SLC5A10: variants seen among roughly 807,000 people sequenced by gnomAD.
SLC5A10 encodes solute carrier family 5 member 10.
A neutral mutation model predicts 68.9 loss-of-function variants in SLC5A10; 55 were observed. The observed-to-expected ratio is 0.80, with a 90% CI of 0.64 to 1.00. SLC5A10 has a LOEUF of 1.00. SLC5A10 is among the 50% of genes least tolerant of loss of function. The probability of loss-of-function intolerance (pLI) is 0.00; values close to 1 mark genes in which losing one functional copy is unlikely to be tolerated. For synonymous variants in SLC5A10, 344 were observed against 344.8 expected, an observed-to-expected ratio of 1.00 and a Z score of 0.02; for missense variants, 732 against 819.3, an observed-to-expected ratio of 0.89 and a Z score of 1.30.
chr17:18,970,892 G>A (rs2042824389), intron 7 of SLC5A10, 121 bp from the exon 8 acceptor site: 2 of 845,908 alleles, frequency 2.4e-6, no homozygotes, highest in South Asian at 3.1e-5. Context: ...GAAAGATGAG[G>A]TGGAAAAAAC....
intron 9 of SLC5A10, chr17:18,988,157 G>A (rs762149743): frequency 1.9e-4 from 293 of 1,532,738 alleles, no homozygotes; most frequent in Non-Finnish European, 2.4e-4. Context: ...ACAGGACTCC[G>A]TCCAGAGCAG....
At chr17:18,951,968 C>G, upstream of SLC5A10, 1 of 503,720 alleles carries the variant, frequency 2.0e-6, no homozygotes, top group Non-Finnish European at 3.4e-6. Context: ...TTTCCTCCTC[C>G]CACTTGCTTC....
chr17:19,004,272 G>T lies in SLC5A10; in HGVS notation c.983-9138G>T, dbSNP rs931248010. On this transcript the variant is annotated intron_variant, in intron 9 of 14. Transcript: ENST00000395645. This position sits in a 1 kb window ranked among gnomAD's most constrained non-coding sequence, Gnocchi z 5.4. ...GAACTCAGGTGGGCGTGGGAAGGAC[G>T]GGGCTGGGGCTGGGGCTGGGAAGAT... 7.8e-6 allele frequency: 4 copies of T among 515,194 alleles called. No homozygotes were observed. Among genetic ancestry groups the T allele is most frequent in the African/African-American group, 2.1e-5 (1 of 48,288 alleles). The allele number at this position is 515,194 out of a possible 1,614,324, so 31.9% of individuals were successfully genotyped here. A position where few individuals can be genotyped will look rare whatever the true frequency, so the allele number is the denominator to read the frequency against.
intron 5 of SLC5A10, among the ~76,000 whole-genome samples, chr17:18,961,744 C>T (rs1364333046): frequency 3.3e-5 from 5 of 152,134 alleles, no homozygotes; most frequent in Admixed American, 2.0e-4. Flanking sequence ...ATCCAGAGCC[C>T]CCACGGGGCC....
intron 9 of SLC5A10, among the ~76,000 whole-genome samples, chr17:19,007,106 G>C (rs1457881919): frequency 1.3e-5 from 2 of 152,010 alleles, no homozygotes; most frequent in African/African-American, 4.8e-5. Context: ...ACTTTTTCCA[G>C]AGTGGCTGTA....
chr17:18,955,677 A>G (rs2042483741), intron 1 of SLC5A10, among the ~76,000 whole-genome samples: 1 of 152,254 alleles, frequency 6.6e-6, no homozygotes, highest in African/African-American at 2.4e-5. Flanking sequence ...CAAGACTGTG[A>G]GCCTTCAGAC....
chr17:18,997,650 G>A (rs898354879), intron 9 of SLC5A10, among the ~76,000 whole-genome samples: 3 of 152,200 alleles, frequency 2.0e-5, no homozygotes, highest in Admixed American at 2.0e-4. Context: ...AGCACACCAG[G>A]GCAGGGCTGA....
intron 9 of SLC5A10, among the ~76,000 whole-genome samples, chr17:18,992,536 G>C (rs1307151273): frequency 6.6e-6 from 1 of 152,208 alleles, no homozygotes; most frequent in Non-Finnish European, 1.5e-5. Flanking sequence ...GGTGGGACAG[G>C]GCTTTAGGTC....
In SLC5A10 at chr17:19,019,904, G is replaced by A. The variant is rs938679937; in HGVS notation, c.1602G>A (p.Leu534=). ...CTGTTGTGGTGGCTGGAAGCCTGCT[G>A]ACCCCACCCCCACAGAGTGTCCAGG... ...SGAVVVAGSL[L]TPPPQSVQIE... is the part of the protein sequence containing the mutation. Residue 534 remains leucine (L), a synonymous_variant, in exon 13 of 15, where the codon CTG becomes CTA. Transcript: ENST00000395645. The A allele has an allele frequency of 6.2e-7, 1 of 1,609,274 alleles. No individual in the cohort carries two copies. Among genetic ancestry groups the A allele is most frequent in the African/African-American group, 1.3e-5 (1 of 74,834 alleles).
chr17:18,953,899 A>G (rs1215798251), intron 1 of SLC5A10: 1 of 152,346 alleles, frequency 6.6e-6, no homozygotes, highest in Admixed American at 6.5e-5. Flanking sequence ...TCTGGTTTCA[A>G]ATATTTCGGA....
Position 19,020,502 on chromosome 17 carries a change from C to T in SLC5A10, c.*71C>T. 4.2e-6 allele frequency: 6 copies of T among 1,439,696 alleles called. No individual in the cohort carries two copies. The highest frequency in any genetic ancestry group is 2.3e-5 in the East Asian group (1 of 43,030). 89.2% of individuals were successfully genotyped at this position (1,439,696 alleles called of 1,614,324 possible). A position where few individuals can be genotyped will look rare whatever the true frequency, so the allele number is the denominator to read the frequency against. On this transcript the variant is annotated 3_prime_UTR_variant, in exon 15 of 15. Transcript: ENST00000395645. ...CCACCCATTTCCCTCATGGGGATCC[C>T]GAGGCCCCAAGAGGGGCAGATTCCC...
rs957039929 is a variant in SLC5A10, at chr17:18,984,159, G to A, written c.982+7170G>A. 1.8e-4 allele frequency among the ~76,000 whole-genome samples: 28 copies of A among 151,954 alleles called. No individual in the cohort carries two copies. The East Asian group carries it at 3.9e-3, about 21-fold the overall frequency. On this transcript the variant is annotated intron_variant, in intron 9 of 14. Coordinates refer to ENST00000395645, the MANE Select transcript of SLC5A10 (RefSeq NM_001042450.4). ...AGATCGAGACCATCCTGGCTAACACGGTGAAACCCCATCTCTACTAAAAAT... is the reference window on the plus strand; with the variant it reads ...AGATCGAGACCATCCTGGCTAACACAGTGAAACCCCATCTCTACTAAAAAT...
At chr17:18,984,345 A>AT (rs2043213681) in intron 9 of SLC5A10, among the ~76,000 whole-genome samples, 1 of 151,506 alleles carries the variant, frequency 6.6e-6, no homozygotes, top group Non-Finnish European at 1.5e-5. Flanking sequence ...AAAAAAAAAA[A>AT]AAAAAAAAAG....
At chr17:18,994,435 G>A (rs1256813007) in intron 9 of SLC5A10, among the ~76,000 whole-genome samples, 4 of 152,198 alleles carry the variant, frequency 2.6e-5, no homozygotes, top group South Asian at 2.1e-4. Flanking sequence ...CCGCAGGGGA[G>A]AGAGCTGCAC....
At chr17:18,987,126 G>A (rs534175515) in intron 9 of SLC5A10, among the ~76,000 whole-genome samples, 21 of 152,326 alleles carry the variant, frequency 1.4e-4, no homozygotes, top group Non-Finnish European at 2.4e-4. Context: ...CGTGGAGCCC[G>A]GCCCCTTGTT....
At chr17:18,958,558 G>C (rs2042548161) in intron 1 of SLC5A10, 124 bp from the exon 2 acceptor site, 1 of 706,632 alleles carries the variant, frequency 1.4e-6, no homozygotes, top group Admixed American at 2.5e-5. Context: ...CCTAGGAGTG[G>C]AACTTCTGGG....
chr17:18,996,208 A>G lies in SLC5A10; in HGVS notation c.983-17202A>G, dbSNP rs2043568237. 6.6e-6 allele frequency among the ~76,000 whole-genome samples: 1 copy of G among 151,660 alleles called. No homozygotes were observed. The highest frequency in any genetic ancestry group is 1.5e-5 in the Non-Finnish European group (1 of 68,018). On this transcript the variant is annotated intron_variant, in intron 9 of 14. Transcript: ENST00000395645. This position sits in a 1 kb window ranked among gnomAD's most constrained non-coding sequence, Gnocchi z 4.4. ...TTTCAAAACAAAAGGCAAACTAAAG[A>G]CTTTTTCAAATATAAAAAAGCTGAG...
At position 18,969,359 on chromosome 17, in the gene SLC5A10, A is replaced by C; in HGVS notation, c.577A>C (p.Ile193Leu). ...ACTGGCAGGGGGCCTGGCTGCTGTA[A>C]TCTACACGGACGCCCTGCAGACGCT... The part of the protein sequence containing the change: ...YTIAGGLAAV[I>L]YTDALQTLIM... The change falls in exon 7 of 15, where the codon ATC becomes CTC. Residue 193 changes from isoleucine (I) to leucine (L), a missense_variant. Transcript: ENST00000395645. The C allele has an allele frequency of 1.2e-6, 2 of 1,613,594 alleles. No individual in the cohort carries two copies. The highest frequency in any genetic ancestry group is 1.7e-6 in the Non-Finnish European group (2 of 1,180,014).
intron 9 of SLC5A10, among the ~76,000 whole-genome samples, chr17:18,982,002 C>T (rs2043149727): frequency 6.6e-6 from 1 of 152,238 alleles, no homozygotes; most frequent in Non-Finnish European, 1.5e-5. Context: ...CCCTCCTTAG[C>T]CTGGAAAATC....
Sources: allele counts gnomAD v4.1 joint callset (sites outside exome capture counted in the v4.1 genomes callset), GRCh38; gene constraint gnomAD v4.1.1; non-coding constraint Gnocchi (gnomAD v3.1); transcripts MANE v1.5; gene names NCBI Gene and HGNC (gene_info 2026-07-23, HGNC 2026-07-21).